MET: variants seen among roughly 807,000 people sequenced by gnomAD.
MET encodes hepatocyte growth factor receptor.
Under a neutral mutation model 133.1 loss-of-function variants are expected in MET, and 48 were observed. The observed-to-expected ratio is 0.36, with a 90% CI of 0.29 to 0.46. MET has a LOEUF of 0.46. MET is among the 20% of genes least tolerant of loss of function. The pLI is 1.00. For missense variants in MET, 1,442 were observed against 1,695.9 expected, an observed-to-expected ratio of 0.85 and a Z score of 2.63; for synonymous variants, 628 against 616.5, an observed-to-expected ratio of 1.02 and a Z score of -0.28.
At chr7:116,788,770 A>G (rs904454221) in intron 19 of MET, among the ~76,000 whole-genome samples, 2 of 152,202 alleles carry the variant, frequency 1.3e-5, no homozygotes, top group Non-Finnish European at 2.9e-5. Context: ...AAAGCATGCA[A>G]TGAGCTATGT....
chr7:116,792,472 C>T (rs796135284), intron 19 of MET, among the ~76,000 whole-genome samples: 3,482 of 143,622 alleles, frequency 0.024, 91 homozygotes, highest in Middle Eastern at 0.043. Context: ...CACACACACA[C>T]ACACACACAC....
intron 15 of MET, among the ~76,000 whole-genome samples, chr7:116,776,471 G>A (rs1794997561): frequency 6.6e-6 from 1 of 152,060 alleles, no homozygotes; most frequent in South Asian, 2.1e-4. Context: ...TATCATGAAA[G>A]GTACTAAAAT....
chr7:116,744,480 A>T (rs1207781386), intron 5 of MET, among the ~76,000 whole-genome samples: 2 of 152,372 alleles, frequency 1.3e-5, no homozygotes, highest in Admixed American at 6.5e-5. Flanking sequence ...TGTGGAGACA[A>T]GATTAGAGAA....
rs864622521 is a variant in MET at position 116,777,385 on chromosome 7, A to C, written c.3260-4A>C. 1 of 1,613,552 alleles carries C rather than the reference A, an allele frequency of 6.2e-7. No homozygotes were observed. The highest frequency in any genetic ancestry group is 1.3e-5 in the African/African-American group (1 of 75,050). ...GTGCTAACCAAGTTCTTTCTTTTGC[A>C]CAGGGCATTTTGGTTGTGTATATCA... is the stretch of plus-strand genomic sequence containing the variant. On this transcript the variant is annotated splice_polypyrimidine_tract_variant and splice_region_variant and intron_variant, in intron 15 of 20. Transcript: ENST00000397752.
intron 2 of MET, among the ~76,000 whole-genome samples, chr7:116,723,562 G>T (rs1312532343): frequency 2.6e-5 from 4 of 152,076 alleles, no homozygotes; most frequent in African/African-American, 7.2e-5. Context: ...GGCGCTCTGC[G>T]TTTTAGAGTT....
At chr7:116,756,184 A>G (rs1676151911) in intron 6 of MET, among the ~76,000 whole-genome samples, 1 of 152,200 alleles carries the variant, frequency 6.6e-6, no homozygotes, top group Admixed American at 6.5e-5. Flanking sequence ...CTCAGCTCTG[A>G]TCATCTTCTG....
intron 5 of MET, among the ~76,000 whole-genome samples, chr7:116,748,865 T>C (rs1793804098): frequency 6.6e-6 from 1 of 152,154 alleles, no homozygotes; most frequent in South Asian, 2.1e-4. Context: ...AAGAAATGGA[T>C]AAATTCCTGG....
At chr7:116,695,747 C>T in intron 1 of MET, 1 of 487,802 alleles carries the variant, frequency 2.1e-6, no homozygotes, top group Non-Finnish European at 4.2e-6. Context: ...TCCTTCTTCA[C>T]AGGGTGGTGA....
At chr7:116,702,087 T>A (rs371128674) in intron 2 of MET, among the ~76,000 whole-genome samples, 6 of 152,282 alleles carry the variant, frequency 3.9e-5, no homozygotes, top group African/African-American at 1.4e-4. Flanking sequence ...CCCTTTTGAC[T>A]TTTTTAGTGT....
chr7:116,741,488 T>C (rs1314485150), intron 5 of MET, among the ~76,000 whole-genome samples: 2 of 152,174 alleles, frequency 1.3e-5, no homozygotes, highest in African/African-American at 2.4e-5. Flanking sequence ...TCATGGCATA[T>C]CCTGGAACCC....
rs562652155 is a variant in MET at position 116,771,297 on chromosome 7, T to C, written c.2731-201T>C. On this transcript the variant is annotated intron_variant, in intron 12 of 20. Coordinates refer to ENST00000397752, the MANE Select transcript of MET (RefSeq NM_000245.4). Reference sequence around the variant, plus strand: ...CAAATACAAACAGCTAAGTACCACATAAGTACTTAAGGGATCAGTGTCCCC... The same window carrying C: ...CAAATACAAACAGCTAAGTACCACACAAGTACTTAAGGGATCAGTGTCCCC... 2.6e-4 allele frequency among the ~76,000 whole-genome samples: 40 copies of C among 152,312 alleles called. No homozygotes were observed. The South Asian group carries it at 3.7e-3, about 14-fold the overall frequency.
intron 11 of MET, 124 bp from the exon 12 acceptor site, chr7:116,769,521 G>A: frequency 8.4e-7 from 1 of 1,194,690 alleles, no homozygotes; most frequent in Non-Finnish European, 1.2e-6. Flanking sequence ...TAGTATCATA[G>A]AATCGTGTGC....
At chr7:116,784,548 C>T (rs1325285418) in intron 19 of MET, among the ~76,000 whole-genome samples, 1 of 152,032 alleles carries the variant, frequency 6.6e-6, no homozygotes, top group Non-Finnish European at 1.5e-5. Flanking sequence ...ACCAACGGGG[C>T]TGTGGGAAGT....
At chr7:116,770,212 A>G (rs1473212769) in intron 12 of MET, among the ~76,000 whole-genome samples, 2 of 152,206 alleles carry the variant, frequency 1.3e-5, no homozygotes, top group Admixed American at 6.5e-5. Context: ...AAAGTAAAAT[A>G]AAGATTAAAC....
At chr7:116,675,865 T>C (rs1584846232) in intron 1 of MET, among the ~76,000 whole-genome samples, 1 of 152,174 alleles carries the variant, frequency 6.6e-6, no homozygotes, top group East Asian at 1.9e-4. Flanking sequence ...GTTATCAGAT[T>C]AAGAGCCGTG....
At chr7:116,785,232 A>G (rs1396143056) in intron 19 of MET, among the ~76,000 whole-genome samples, 1 of 152,206 alleles carries the variant, frequency 6.6e-6, no homozygotes, top group Non-Finnish European at 1.5e-5. Context: ...TTTTCCAGGC[A>G]CACGGTGCAA....
chr7:116,688,406 A>G (rs1002299810), intron 1 of MET, among the ~76,000 whole-genome samples: 4 of 152,218 alleles, frequency 2.6e-5, no homozygotes, highest in African/African-American at 9.6e-5. Flanking sequence ...ATACTTGTAT[A>G]AGTTTTCATG....
intron 11 of MET, among the ~76,000 whole-genome samples, chr7:116,766,817 T>A (rs959841200): frequency 7.2e-5 from 11 of 152,198 alleles, no homozygotes; most frequent in African/African-American, 2.7e-4. Context: ...TGTGGTTTCA[T>A]GGTACCTAGT....
intron 1 of MET, among the ~76,000 whole-genome samples, chr7:116,685,009 T>G (rs1796497633): frequency 6.6e-6 from 1 of 152,124 alleles, no homozygotes; most frequent in Admixed American, 6.5e-5. Flanking sequence ...TTTAAAATAT[T>G]TGTAGGTGGG....
Sources: allele counts gnomAD v4.1 joint callset (sites outside exome capture counted in the v4.1 genomes callset), GRCh38; gene constraint gnomAD v4.1.1; transcripts MANE v1.5; gene names NCBI Gene and HGNC (gene_info 2026-07-23, HGNC 2026-07-21).